The following CPNE4 variants were observed in gnomAD, a reference collection of about 807,000 sequenced individuals.
The protein encoded by CPNE4 is copine-4.
Under a neutral mutation model 67.9 loss-of-function variants are expected in CPNE4, and 25 were observed. That is an observed-to-expected ratio of 0.37 (90% CI 0.27 to 0.51). The LOEUF (loss-of-function observed/expected upper bound fraction) is 0.51, where lower values mean the gene tolerates loss of function less well. CPNE4 is among the 20% of genes least tolerant of loss of function. The pLI is 0.93. For synonymous variants in CPNE4, 242 were observed against 244.9 expected (o/e 0.99, Z 0.11); for missense variants, 464 against 690.8 (o/e 0.67, Z 3.68).
At chr3:131,549,814 G>A (rs1936073034) in intron 14 of CPNE4, 133 bp downstream of exon 14, 6 of 993,712 alleles carry the variant, frequency 6.0e-6, no homozygotes. Flanking sequence ...GATAGGAGGA[G>A]GTTAAGTCAT....
chr3:131,909,598 A>G (rs758201688), intron 1 of CPNE4, among the ~76,000 whole-genome samples: 35 of 152,166 alleles, frequency 2.3e-4, no homozygotes, highest in Non-Finnish European at 4.6e-4. Flanking sequence ...AATGTAAAAA[A>G]AAATAATGTA....
intron 11 of CPNE4, among the ~76,000 whole-genome samples, chr3:131,558,754 C>T (rs1451726005): frequency 1.3e-5 from 2 of 151,926 alleles, no homozygotes; most frequent in African/African-American, 4.8e-5. Flanking sequence ...TATGGCATCT[C>T]AGGGCACCTA....
intron 1 of CPNE4, among the ~76,000 whole-genome samples, chr3:131,978,518 T>C (rs1466757177): frequency 1.3e-5 from 1 of 78,518 alleles, no homozygotes; most frequent in Non-Finnish European, 2.2e-5. Flanking sequence ...ATATATTTAT[T>C]TATATAAATA....
At chr3:131,945,884 G>A (rs2071538843) in intron 1 of CPNE4, among the ~76,000 whole-genome samples, 1 of 152,172 alleles carries the variant, frequency 6.6e-6, no homozygotes, top group Admixed American at 6.5e-5. Context: ...CTGCCCGCGT[G>A]GAGGCCAGCA....
At chr3:131,669,158 C>T (rs1272568447) in intron 7 of CPNE4, among the ~76,000 whole-genome samples, 2 of 152,036 alleles carry the variant, frequency 1.3e-5, no homozygotes, top group Non-Finnish European at 2.9e-5. Flanking sequence ...TTCCAGACCA[C>T]AGCCAGCCAA....
At chr3:131,606,357 A>G (rs1939502965) in intron 7 of CPNE4, among the ~76,000 whole-genome samples, 1 of 152,208 alleles carries the variant, frequency 6.6e-6, no homozygotes, top group Admixed American at 6.5e-5. Flanking sequence ...AAAAGCATGG[A>G]GAAATTAGCT....
At chr3:132,037,707 G>A (rs1470223137), upstream of CPNE4, 2 of 1,019,284 alleles carry the variant, frequency 2.0e-6, no homozygotes, top group East Asian at 2.6e-5. Flanking sequence ...CACTCGCCGG[G>A]TTTCTGTTTG....
At chr3:131,731,497 A>T (rs991492012) in intron 2 of CPNE4, among the ~76,000 whole-genome samples, 12 of 151,962 alleles carry the variant, frequency 7.9e-5, no homozygotes, top group Non-Finnish European at 1.5e-4. Context: ...TCTCAGCTAC[A>T]TCTTCCAGTG....
intron 2 of CPNE4, among the ~76,000 whole-genome samples, chr3:131,873,707 ACT>A (rs1323370403): frequency 2.6e-5 from 4 of 152,042 alleles, no homozygotes; most frequent in Admixed American, 2.6e-4. Context: ...TGAGAAGTCC[ACT>A]CTCTAGAAGG....
At chr3:131,910,893 A>G (rs773936621) in intron 1 of CPNE4, among the ~76,000 whole-genome samples, 4 of 152,116 alleles carry the variant, frequency 2.6e-5, no homozygotes, top group Non-Finnish European at 4.4e-5. Context: ...TTTTCATTAA[A>G]ATCTCTTGAA....
Position 132,034,798 on chromosome 3 carries a change from C to CA in CPNE4, c.-234dup, listed in dbSNP as rs2074311735. The CA allele has an allele frequency of 2.0e-6, 2 of 985,220 alleles. No individual in the cohort carries two copies. The highest frequency in any genetic ancestry group is 6.2e-5 in the Admixed American group (1 of 16,228). The allele number at this position is 985,220 out of a possible 1,614,324, so 61.0% of individuals were successfully genotyped here. ...TCGGTCTCTCCGGAAACCCTGACTC[C>CA]ATTCTCGGTGATGGGGGTGGGGGAA... On this transcript the variant is annotated 5_prime_UTR_variant, in exon 1 of 16. An upstream start codon of the reference 5' UTR is lost. Transcript: ENST00000429747.
chr3:131,817,931 G>A (rs757586362), intron 2 of CPNE4, among the ~76,000 whole-genome samples: 3 of 152,200 alleles, frequency 2.0e-5, no homozygotes, highest in Non-Finnish European at 4.4e-5. Context: ...CTCTTGTTTT[G>A]TAAGAATCTC....
chr3:131,928,773 C>T (rs1217935606), intron 1 of CPNE4, among the ~76,000 whole-genome samples: 1 of 152,198 alleles, frequency 6.6e-6, no homozygotes, highest in African/African-American at 2.4e-5. Flanking sequence ...GGGTGTCAGG[C>T]CTCCAGGCAT....
intron 1 of CPNE4, among the ~76,000 whole-genome samples, chr3:131,921,145 C>T (rs553481926): frequency 4.6e-5 from 7 of 152,256 alleles, no homozygotes; most frequent in Non-Finnish European, 8.8e-5. Context: ...AACTCACTTC[C>T]CCCAAGAAGA....
chr3:131,812,174 C>T (rs560795475), intron 2 of CPNE4, among the ~76,000 whole-genome samples: 1 of 150,642 alleles, frequency 6.6e-6, no homozygotes, highest in Admixed American at 6.6e-5. Flanking sequence ...TTTATGGCTC[C>T]CCAAGAAGGA....
chr3:132,003,514 C>G (rs1222688282), intron 1 of CPNE4, among the ~76,000 whole-genome samples: 2 of 151,904 alleles, frequency 1.3e-5, no homozygotes, highest in African/African-American at 4.8e-5. Context: ...GTGTGTGATG[C>G]CCTTGACAGC....
At chr3:131,631,602 A>G (rs2079222978) in intron 7 of CPNE4, among the ~76,000 whole-genome samples, 1 of 152,126 alleles carries the variant, frequency 6.6e-6, no homozygotes, top group Non-Finnish European at 1.5e-5. Context: ...AATTATTAAC[A>G]TTTTTCTTTT....
chr3:131,578,040 C>T (rs571095102), intron 9 of CPNE4, among the ~76,000 whole-genome samples: 6 of 151,594 alleles, frequency 4.0e-5, no homozygotes, highest in African/African-American at 9.7e-5. Context: ...TGTGTGTATA[C>T]ACACACACAC....
At chr3:131,725,808 G>A (rs955355757) in intron 2 of CPNE4, among the ~76,000 whole-genome samples, 1 of 152,054 alleles carries the variant, frequency 6.6e-6, no homozygotes, top group Non-Finnish European at 1.5e-5. Context: ...GGAATATCTG[G>A]CAACCTTGGG....
Sources: allele counts gnomAD v4.1 joint callset (sites outside exome capture counted in the v4.1 genomes callset), GRCh38; gene constraint gnomAD v4.1.1; transcripts MANE v1.5; gene names NCBI Gene and HGNC (gene_info 2026-07-23, HGNC 2026-07-21).